PCDH15: variants seen among roughly 807,000 people sequenced by gnomAD.
PCDH15 encodes protocadherin related 15.
A neutral mutation model predicts 178.5 loss-of-function variants in PCDH15; 129 were observed. The ratio of observed to expected loss-of-function variants is 0.72; its 90% confidence interval spans 0.63 to 0.84. The LOEUF is 0.84. PCDH15 is among the 40% of genes least tolerant of loss of function. PCDH15 has a pLI of 0.00. For synonymous variants in PCDH15, 800 were observed against 732.0 expected, an observed-to-expected ratio of 1.09 and a Z score of -1.50; for missense variants, 2,230 against 2,099.9, an observed-to-expected ratio of 1.06 and a Z score of -1.21.
intron 6 of PCDH15, among the ~76,000 whole-genome samples, chr10:54,342,907 C>T (rs866814192): frequency 3.7e-4 from 57 of 152,250 alleles, no homozygotes; most frequent in African/African-American, 1.3e-3. Context: ...TTATTTGGGC[C>T]AATTTCTCAC....
At chr10:55,450,121 T>C (rs912727365) in intron 2 of PCDH15, among the ~76,000 whole-genome samples, 8 of 152,166 alleles carry the variant, frequency 5.3e-5, no homozygotes, top group Non-Finnish European at 7.4e-5. Flanking sequence ...TCAAGCTACA[T>C]GCATAATGTA....
chr10:55,472,827 C>T (rs1839991039), intron 2 of PCDH15, among the ~76,000 whole-genome samples: 1 of 152,200 alleles, frequency 6.6e-6, no homozygotes, highest in Non-Finnish European at 1.5e-5. Context: ...CTCGGCCTCC[C>T]AAAGTGCTGG....
At position 53,839,959 on chromosome 10, in the gene PCDH15, A is replaced by C. The variant is rs150797610; in HGVS notation, c.3983+361T>G. The stretch of plus-strand genomic sequence containing the variant: ...CTTCTTAAAATGCAAGCATATGAAA[A>C]TCATTGCAGAAAAACTGCCTCTTTA... On this transcript the variant is annotated intron_variant, in intron 29 of 37. Coordinates refer to ENST00000644397, the MANE Select transcript of PCDH15 (RefSeq NM_001384140.1). Among the ~76,000 whole-genome samples the C allele has an allele frequency of 9.5e-3, 1,453 of 152,304 alleles. 25 individuals carry two copies. Among genetic ancestry groups the C allele is most frequent in the African/African-American group, 0.034 (1,405 of 41,558 alleles).
chr10:55,527,405 T>A (rs2132058953), intron 2 of PCDH15, among the ~76,000 whole-genome samples: 1 of 152,174 alleles, frequency 6.6e-6, no homozygotes, highest in African/African-American at 2.4e-5. Context: ...GCATTCTTCC[T>A]ATGGAGTGTC....
rs1268706740 is a variant in PCDH15 at position 54,800,909 on chromosome 10, C to T, written c.-29+16G>A. 3 of 152,122 alleles carry T rather than the reference C, an allele frequency of 2.0e-5. No homozygotes were observed. Among genetic ancestry groups the T allele is most frequent in the African/African-American group, 7.2e-5 (3 of 41,506 alleles). The allele number at this position is 152,122 out of a possible 1,614,324, so 9.4% of individuals were successfully genotyped here. On this transcript the variant is annotated intron_variant, in intron 1 of 37. Transcript: ENST00000644397. ...AAATTTGAAAAAAATAAGAGAAGGG[C>T]GGGGGAAGAACTTACTTGCGGTTTA...
chr10:54,528,153 C>T (rs1387040673), intron 2 of PCDH15, among the ~76,000 whole-genome samples: 1 of 151,768 alleles, frequency 6.6e-6, no homozygotes, highest in Non-Finnish European at 1.5e-5. Flanking sequence ...TCCTTCAGGA[C>T]AGAGATAATG....
chr10:55,362,188 C>T (rs1268789518), intron 2 of PCDH15, among the ~76,000 whole-genome samples: 1 of 152,026 alleles, frequency 6.6e-6, no homozygotes, highest in Non-Finnish European at 1.5e-5. Flanking sequence ...AGATTTCAAC[C>T]CATAAAATTA....
intron 2 of PCDH15, among the ~76,000 whole-genome samples, chr10:55,381,365 T>C (rs1327995564): frequency 6.6e-6 from 1 of 152,170 alleles, no homozygotes; most frequent in Non-Finnish European, 1.5e-5. Flanking sequence ...CATGCTGATC[T>C]AGAGCCACTC....
intron 15 of PCDH15, among the ~76,000 whole-genome samples, chr10:54,107,398 T>C (rs1216608989): frequency 6.6e-6 from 1 of 152,204 alleles, no homozygotes; most frequent in African/African-American, 2.4e-5. Flanking sequence ...TTTGCTCCTA[T>C]TGCGGGTATG....
intron 2 of PCDH15, among the ~76,000 whole-genome samples, chr10:55,386,648 T>A (rs1837666814): frequency 6.6e-6 from 1 of 152,064 alleles, no homozygotes; most frequent in South Asian, 2.1e-4. Flanking sequence ...ATCCAGCATG[T>A]CCATCTCTAG....
chr10:54,415,632 CA>C (rs71007852), intron 3 of PCDH15, among the ~76,000 whole-genome samples: 71,761 of 151,566 alleles, frequency 0.47, 17,721 homozygotes, highest in Non-Finnish European at 0.53. Context: ...TGAACATAAT[CA>C]AAAAAATTCA....
intron 2 of PCDH15, among the ~76,000 whole-genome samples, chr10:55,444,327 T>A (rs965747594): frequency 2.1e-4 from 32 of 152,004 alleles, no homozygotes; most frequent in Non-Finnish European, 4.7e-4. Flanking sequence ...TATTTTTTTA[T>A]TTTAAAGTTT....
chr10:55,190,190 G>A (rs542640060), intron 1 of PCDH15, among the ~76,000 whole-genome samples: 1 of 151,484 alleles, frequency 6.6e-6, no homozygotes, highest in African/African-American at 2.4e-5. Flanking sequence ...TTCAAGAACA[G>A]ACAAAACTAA....
At chr10:55,510,750 T>C (rs868628604) in intron 2 of PCDH15, among the ~76,000 whole-genome samples, 1 of 151,668 alleles carries the variant, frequency 6.6e-6, no homozygotes, top group Middle Eastern at 3.4e-3. Flanking sequence ...TATCAAACAC[T>C]GATTTAGGTT....
chr10:54,018,064 G>C (rs1413295640), intron 20 of PCDH15, among the ~76,000 whole-genome samples: 2 of 152,064 alleles, frequency 1.3e-5, no homozygotes, highest in Non-Finnish European at 2.9e-5. Flanking sequence ...CCTAAGAAAA[G>C]TGATGATTTC....
intron 2 of PCDH15, among the ~76,000 whole-genome samples, chr10:55,552,078 G>A (rs774405708): frequency 6.6e-6 from 1 of 151,676 alleles, no homozygotes. Context: ...TTTATTTATT[G>A]CTTTCTTACA....
intron 2 of PCDH15, among the ~76,000 whole-genome samples, chr10:55,451,060 A>G (rs976645504): frequency 2.0e-5 from 3 of 151,136 alleles, no homozygotes; most frequent in African/African-American, 7.3e-5. Flanking sequence ...TCAGAGAGCT[A>G]CAATGGCATG....
At chr10:55,457,467 C>T (rs571561186) in intron 2 of PCDH15, among the ~76,000 whole-genome samples, 49 of 152,110 alleles carry the variant, frequency 3.2e-4, no homozygotes, top group African/African-American at 1.1e-3. Context: ...ACATGCATCG[C>T]TTTTTACTAG....
chr10:55,159,069 C>T (rs1343997265), intron 2 of PCDH15, among the ~76,000 whole-genome samples: 1 of 151,914 alleles, frequency 6.6e-6, no homozygotes, highest in Non-Finnish European at 1.5e-5. Context: ...CTGATGTCCT[C>T]AGTGGCTAAA....
Sources: allele counts gnomAD v4.1 joint callset (sites outside exome capture counted in the v4.1 genomes callset), GRCh38; gene constraint gnomAD v4.1.1; transcripts MANE v1.5; gene names NCBI Gene and HGNC (gene_info 2026-07-23, HGNC 2026-07-21).